The following DLGAP1 variants were observed in gnomAD, a reference collection of about 807,000 sequenced individuals.
The protein encoded by DLGAP1 is disks large-associated protein 1.
A neutral mutation model predicts 90.8 loss-of-function variants in DLGAP1; 11 were observed. The ratio of observed to expected loss-of-function variants is 0.12; its 90% confidence interval spans 0.08 to 0.20. The LOEUF (loss-of-function observed/expected upper bound fraction) is 0.20. Ranked by LOEUF, DLGAP1 falls within the 10% of genes least tolerant of loss-of-function variation. DLGAP1 has a pLI of 1.00. For missense variants in DLGAP1, 1,050 were observed against 1,333.8 expected, an observed-to-expected ratio of 0.79 and a Z score of 3.31; for synonymous variants, 558 against 540.7, an observed-to-expected ratio of 1.03 and a Z score of -0.44.
chr18:3,592,602 G>T (rs1434879452), intron 7 of DLGAP1, among the ~76,000 whole-genome samples: 1 of 152,098 alleles, frequency 6.6e-6, no homozygotes, highest in Non-Finnish European at 1.5e-5. Flanking sequence ...ACTTTGGGAG[G>T]CTGAAGCATA....
intron 1 of DLGAP1, among the ~76,000 whole-genome samples, chr18:4,351,543 C>G (rs1393639567): frequency 2.0e-5 from 3 of 152,082 alleles, no homozygotes; most frequent in African/African-American, 7.2e-5. Context: ...TTAAAAGATA[C>G]ATACATACAT....
chr18:4,069,603 C>A (rs554963491), intron 2 of DLGAP1, among the ~76,000 whole-genome samples: 1 of 152,324 alleles, frequency 6.6e-6, no homozygotes, highest in East Asian at 1.9e-4. Flanking sequence ...CTCGCTTGCT[C>A]TTGCTCTGGC....
At chr18:4,102,436 T>C (rs2075794750) in intron 2 of DLGAP1, among the ~76,000 whole-genome samples, 1 of 152,188 alleles carries the variant, frequency 6.6e-6, no homozygotes, top group Admixed American at 6.5e-5. Flanking sequence ...GGAAATTGTT[T>C]GAAATGCTGA....
chr18:3,618,355 G>A (rs1396943946), intron 7 of DLGAP1, among the ~76,000 whole-genome samples: 1 of 152,100 alleles, frequency 6.6e-6, no homozygotes, highest in Non-Finnish European at 1.5e-5. Context: ...TCAAAGCCAT[G>A]CCTTGAGAAT....
At chr18:4,371,591 T>G (rs2081918008) in intron 1 of DLGAP1, among the ~76,000 whole-genome samples, 2 of 152,230 alleles carry the variant, frequency 1.3e-5, no homozygotes, top group Admixed American at 6.5e-5. Flanking sequence ...ATAACTTCTG[T>G]TTTTAATTAT....
At chr18:4,241,457 G>GT (rs1401318896) in intron 1 of DLGAP1, among the ~76,000 whole-genome samples, 2 of 152,074 alleles carry the variant, frequency 1.3e-5, no homozygotes, top group East Asian at 3.8e-4. Flanking sequence ...AAATCTCACT[G>GT]TAAGTCCATA....
chr18:4,280,238 A>C (rs2079518204), intron 1 of DLGAP1, among the ~76,000 whole-genome samples: 1 of 152,342 alleles, frequency 6.6e-6, no homozygotes, highest in African/African-American at 2.4e-5. Context: ...ATATAATTTT[A>C]ATAAATCTAC....
At chr18:4,423,654 T>G (rs1567910304) in intron 1 of DLGAP1, among the ~76,000 whole-genome samples, 1 of 152,064 alleles carries the variant, frequency 6.6e-6, no homozygotes, top group East Asian at 1.9e-4. Context: ...CATTACCACC[T>G]GTCACTGAGA....
In DLGAP1 at chr18:4,040,585, C is replaced by G. The variant is rs996258706; in HGVS notation, c.-158-35384G>C. On this transcript the variant is annotated intron_variant, in intron 2 of 12. Transcript: ENST00000315677. ...AAGTGATTAGTAGTTTCTTTGCTAT[C>G]TCTTTTTTCCCTGTCACACAAATCT... is the stretch of plus-strand genomic sequence containing the variant. Among the ~76,000 whole-genome samples, 3 of 152,170 alleles carry G rather than the reference C, an allele frequency of 2.0e-5. No individual in the cohort carries two copies. In the East Asian group the frequency reaches 5.8e-4, roughly 29 times the overall value.
chr18:3,715,717 G>C (rs1014492650), intron 7 of DLGAP1, among the ~76,000 whole-genome samples: 2 of 152,112 alleles, frequency 1.3e-5, no homozygotes, highest in Non-Finnish European at 1.5e-5. Flanking sequence ...TTTCTGGCTG[G>C]AACACAGGTA....
intron 7 of DLGAP1, among the ~76,000 whole-genome samples, chr18:3,622,326 C>T (rs1181703820): frequency 2.0e-5 from 3 of 152,052 alleles, no homozygotes; most frequent in Non-Finnish European, 4.4e-5. Flanking sequence ...AGGATGGTCT[C>T]GATCTCCTGA....
At chr18:4,009,877 G>A (rs998506677) in intron 2 of DLGAP1, among the ~76,000 whole-genome samples, 2 of 152,292 alleles carry the variant, frequency 1.3e-5, no homozygotes, top group South Asian at 4.1e-4. Flanking sequence ...TGTATGGACA[G>A]GGAGGTAGAG....
At chr18:4,141,911 A>T (rs147107713) in intron 2 of DLGAP1, among the ~76,000 whole-genome samples, 1 of 152,246 alleles carries the variant, frequency 6.6e-6, no homozygotes, top group African/African-American at 2.4e-5. Flanking sequence ...TCCTCAAAAC[A>T]GCTATTTTGA....
At chr18:3,658,376 G>A (rs190110673) in intron 7 of DLGAP1, among the ~76,000 whole-genome samples, 103 of 152,278 alleles carry the variant, frequency 6.8e-4, no homozygotes, top group African/African-American at 2.4e-3. Context: ...GTATGAACCC[G>A]CTTTAGGGCA....
At chr18:4,163,255 C>T (rs1056076820) in intron 1 of DLGAP1, among the ~76,000 whole-genome samples, 7 of 152,124 alleles carry the variant, frequency 4.6e-5, no homozygotes, top group African/African-American at 1.7e-4. Flanking sequence ...TAATGAATTC[C>T]TTATTCACTA....
chr18:4,413,721 T>A (rs956262689), intron 1 of DLGAP1, among the ~76,000 whole-genome samples: 1 of 152,132 alleles, frequency 6.6e-6, no homozygotes, highest in Non-Finnish European at 1.5e-5. Context: ...GTTTCCTTTG[T>A]AGGAAGGCAG....
At chr18:4,077,936 T>C (rs750341560) in intron 2 of DLGAP1, among the ~76,000 whole-genome samples, 49 of 152,278 alleles carry the variant, frequency 3.2e-4, no homozygotes, top group African/African-American at 6.0e-4. Context: ...GTTTGCTTCA[T>C]AGGAATTTAA....
At chr18:4,214,898 G>A (rs779857283) in intron 1 of DLGAP1, among the ~76,000 whole-genome samples, 1 of 151,960 alleles carries the variant, frequency 6.6e-6, no homozygotes, top group Non-Finnish European at 1.5e-5. Flanking sequence ...TTAATTATTA[G>A]GATATTAATA....
At chr18:3,802,267 GC>G (rs2066343023) in intron 5 of DLGAP1, among the ~76,000 whole-genome samples, 1 of 146,794 alleles carries the variant, frequency 6.8e-6, no homozygotes, top group Non-Finnish European at 1.5e-5. Flanking sequence ...ACAGGCATGA[GC>G]CACCGACCCC....
Sources: allele counts gnomAD v4.1 joint callset (sites outside exome capture counted in the v4.1 genomes callset), GRCh38; gene constraint gnomAD v4.1.1; transcripts MANE v1.5; gene names NCBI Gene and HGNC (gene_info 2026-07-23, HGNC 2026-07-21).